Variants in TSHZ3 observed in about 807,000 individuals in gnomAD.
TSHZ3 encodes teashirt zinc finger homeobox 3, also known as teashirt homolog 3.
In TSHZ3, 10 loss-of-function variants were observed where a neutral mutation model predicts 64.5. The ratio of observed to expected loss-of-function variants is 0.16; its 90% CI spans 0.10 to 0.26. TSHZ3 has a LOEUF of 0.26. TSHZ3 is among the 10% of genes least tolerant of loss of function. The pLI is 1.00. For synonymous variants in TSHZ3, 608 were observed against 593.1 expected, an observed-to-expected ratio of 1.03 and a Z score of -0.36; for missense variants, 1,242 against 1,421.7, an observed-to-expected ratio of 0.87 and a Z score of 2.03.
chr19:31,259,489 C>T (rs369176890), intron 1 of TSHZ3, among the ~76,000 whole-genome samples: 3 of 152,104 alleles, frequency 2.0e-5, no homozygotes, highest in East Asian at 3.9e-4. Context: ...AGGGTCCAGT[C>T]GAAGCATGCG....
At chr19:31,216,005 A>G (rs1168880461) in intron 4 of TSHZ3, among the ~76,000 whole-genome samples, 1 of 151,672 alleles carries the variant, frequency 6.6e-6, no homozygotes, top group Non-Finnish European at 1.5e-5. Flanking sequence ...TAAAATTGTT[A>G]AATTTTGGAG....
At chr19:31,194,799 C>G in intron 5 of TSHZ3, among the ~76,000 whole-genome samples, 1 of 152,146 alleles carries the variant, frequency 6.6e-6, no homozygotes, top group Non-Finnish European at 1.5e-5. Flanking sequence ...TTGAAAACAA[C>G]TATGATTAAT....
At chr19:31,229,763 A>T (rs531221693) in intron 3 of TSHZ3, among the ~76,000 whole-genome samples, 165 of 152,354 alleles carry the variant, frequency 1.1e-3, no homozygotes, top group African/African-American at 3.8e-3. Flanking sequence ...GACAAAAGAC[A>T]TGATTAGAAA....
intron 1 of TSHZ3, among the ~76,000 whole-genome samples, chr19:31,342,812 G>A (rs915169409): frequency 6.6e-6 from 1 of 152,182 alleles, no homozygotes; most frequent in Non-Finnish European, 1.5e-5. Context: ...TTGTAAACAT[G>A]ACCTTCTGGC....
chr19:31,333,218 G>C (rs1917147225), intron 1 of TSHZ3, among the ~76,000 whole-genome samples: 1 of 152,130 alleles, frequency 6.6e-6, no homozygotes. Context: ...TACATGAACA[G>C]GGCATTTGTT....
rs1975091975 is a variant in TSHZ3 at position 31,201,869 on chromosome 19, AC to A, written n.809+3086del. Reference sequence around the variant, plus strand: ...ATTGCCATTATTTGCCAAATTAAAAACCCATAAAAAGTCATGGCTGGGCGCA... The same window carrying A: ...ATTGCCATTATTTGCCAAATTAAAAACCATAAAAAGTCATGGCTGGGCGCA... On this transcript the variant is annotated intron_variant and non_coding_transcript_variant, in intron 5 of 6. Transcript: ENST00000651361. Among the ~76,000 whole-genome samples, 7 of 152,234 alleles carry A rather than the reference AC, an allele frequency of 4.6e-5. 1 individual carries two copies. In the South Asian group the frequency reaches 1.5e-3, roughly 32 times the overall value.
intron 1 of TSHZ3, among the ~76,000 whole-genome samples, chr19:31,264,848 A>G (rs561996792): frequency 6.6e-6 from 1 of 152,282 alleles, no homozygotes; most frequent in Admixed American, 6.5e-5. Context: ...GGGCCAGTCA[A>G]CGAAGGTTCC....
upstream of TSHZ3, among the ~76,000 whole-genome samples, chr19:31,350,418 C>G (rs2021684412): frequency 1.3e-5 from 2 of 151,460 alleles, no homozygotes; most frequent in African/African-American, 2.4e-5. Context: ...CACCCCGCCC[C>G]TCGCCCCCGG....
At chr19:31,254,264 T>A (rs1975879012) in intron 1 of TSHZ3, among the ~76,000 whole-genome samples, 1 of 152,150 alleles carries the variant, frequency 6.6e-6, no homozygotes, top group Admixed American at 6.5e-5. Flanking sequence ...CATGCCTGGT[T>A]AGGGATGCTG....
intron 4 of TSHZ3, among the ~76,000 whole-genome samples, chr19:31,226,659 C>T (rs987213069): frequency 6.6e-6 from 1 of 152,142 alleles, no homozygotes; most frequent in South Asian, 2.1e-4. Flanking sequence ...TCTTGCCTTC[C>T]ATCTGAGCAC....
intron 6 of TSHZ3, among the ~76,000 whole-genome samples, chr19:31,152,173 G>T (rs1294776136): frequency 6.6e-6 from 1 of 151,768 alleles, no homozygotes; most frequent in Non-Finnish European, 1.5e-5. Context: ...ATTGGGTTTT[G>T]CCTAGAATGT....
intron 4 of TSHZ3, among the ~76,000 whole-genome samples, chr19:31,211,096 A>G (rs535251706): frequency 6.6e-6 from 1 of 152,312 alleles, no homozygotes; most frequent in South Asian, 2.1e-4. Flanking sequence ...TACATTTTTA[A>G]TTACCTAATT....
intron 1 of TSHZ3, among the ~76,000 whole-genome samples, chr19:31,332,029 T>C (rs915816651): frequency 6.6e-6 from 1 of 152,142 alleles, no homozygotes; most frequent in African/African-American, 2.4e-5. Context: ...CCCCTCTAAC[T>C]GAGTCTCCAA....
intron 4 of TSHZ3, among the ~76,000 whole-genome samples, chr19:31,220,922 G>A (rs1444772609): frequency 6.6e-6 from 1 of 152,198 alleles, no homozygotes; most frequent in Non-Finnish European, 1.5e-5. Flanking sequence ...TTTTGAAGCA[G>A]CTACAGAAAG....
At chr19:31,265,383 A>G (rs1312455551) in intron 1 of TSHZ3, among the ~76,000 whole-genome samples, 7 of 145,066 alleles carry the variant, frequency 4.8e-5, no homozygotes, top group Non-Finnish European at 7.6e-5. Context: ...GGCAATAAGA[A>G]CAAAACTCTG....
chr19:31,274,281 G>C (rs546534866), downstream of TSHZ3, among the ~76,000 whole-genome samples: 2 of 152,208 alleles, frequency 1.3e-5, no homozygotes, highest in East Asian at 3.9e-4. Context: ...AATTTTACAT[G>C]ATGTTCCCAG....
At chr19:31,226,203 T>G (rs935220097) in intron 4 of TSHZ3, among the ~76,000 whole-genome samples, 3 of 152,094 alleles carry the variant, frequency 2.0e-5, no homozygotes, top group Admixed American at 1.3e-4. Flanking sequence ...AACCCACTCT[T>G]TCGACTCCTT....
intron 1 of TSHZ3, among the ~76,000 whole-genome samples, chr19:31,263,128 C>G (rs1976002636): frequency 6.6e-6 from 1 of 152,128 alleles, no homozygotes; most frequent in Non-Finnish European, 1.5e-5. Context: ...TCTGCCCTGC[C>G]GGGGTCTGAA....
At chr19:31,249,974 C>T (rs1031577972) in intron 1 of TSHZ3, among the ~76,000 whole-genome samples, 4 of 152,202 alleles carry the variant, frequency 2.6e-5, no homozygotes, top group South Asian at 2.1e-4. Flanking sequence ...CCTGGAGCCT[C>T]GGTTCTCCTG....
Sources: allele counts gnomAD v4.1 joint callset (sites outside exome capture counted in the v4.1 genomes callset), GRCh38; gene constraint gnomAD v4.1.1; transcripts MANE v1.5; gene names NCBI Gene and HGNC (gene_info 2026-07-23, HGNC 2026-07-21).